Variants in RCOR1 observed in about 807,000 individuals in gnomAD.
The protein encoded by RCOR1 is REST corepressor.
Under a neutral mutation model 64.0 loss-of-function variants are expected in RCOR1, and 12 were observed. The ratio of observed to expected loss-of-function variants is 0.19; its 90% CI spans 0.12 to 0.30. RCOR1 has a LOEUF of 0.30. Among genes scored for constraint, RCOR1 ranks in the 10% least tolerant of loss-of-function variants. The pLI, the probability that RCOR1 is intolerant of heterozygous loss-of-function variation, is 1.00. For synonymous variants in RCOR1, 279 were observed against 227.2 expected, an observed-to-expected ratio of 1.23 and a Z score of -2.05; for missense variants, 502 against 621.2, an observed-to-expected ratio of 0.81 and a Z score of 2.04.
chr14:102,722,219 A>G lies in RCOR1; in HGVS notation c.1222A>G (p.Ile408Val), dbSNP rs2139995609. The G allele has an allele frequency of 6.2e-7, 1 of 1,614,146 alleles. No homozygotes were observed. The highest frequency in any genetic ancestry group is 8.5e-7 in the Non-Finnish European group (1 of 1,179,990). Reference sequence around the variant, plus strand: ...GAAATATGGCCGAGATTTTCAGGCAATCTCAGACGTGATTGGGAACAAATC... The same window carrying G: ...GAAATATGGCCGAGATTTTCAGGCAGTCTCAGACGTGATTGGGAACAAATC... ...IRKYGRDFQA[I>V]SDVIGNKSVV... The change falls in exon 11 of 12, where the codon ATC becomes GTC. Residue 408 changes from isoleucine (I) to valine (V), a missense_variant. By Grantham distance (29) the Ile-to-Val change is conservative. Around this residue, in one of 2 missense-constraint regions of RCOR1, gnomAD observed 260 missense variants for 416.4 expected, o/e 0.62. Coordinates refer to ENST00000262241, the MANE Select transcript of RCOR1 (RefSeq NM_015156.4).
chr14:102,632,340 TC>T (rs1894131007), intron 2 of RCOR1, among the ~76,000 whole-genome samples: 1 of 149,902 alleles, frequency 6.7e-6, no homozygotes, highest in Non-Finnish European at 1.5e-5. Context: ...CCTCAGCCTC[TC>T]CAAGTAGCTG....
chr14:102,651,359 C>A (rs1894585857), intron 2 of RCOR1, among the ~76,000 whole-genome samples: 1 of 151,916 alleles, frequency 6.6e-6, no homozygotes, highest in African/African-American at 2.4e-5. Context: ...TTGAGATGAG[C>A]CTGACCAACA....
At chr14:102,625,670 T>C (rs1000069933) in intron 2 of RCOR1, among the ~76,000 whole-genome samples, 2 of 152,104 alleles carry the variant, frequency 1.3e-5, no homozygotes, top group African/African-American at 2.4e-5. Context: ...TGCCCAGTTG[T>C]TACTTTTCTG....
intron 2 of RCOR1, among the ~76,000 whole-genome samples, chr14:102,669,004 G>T (rs1382414949): frequency 1.3e-5 from 2 of 152,150 alleles, no homozygotes; most frequent in Non-Finnish European, 2.9e-5. Context: ...AGATAAGAGA[G>T]AACCAGACAG....
intron 4 of RCOR1, among the ~76,000 whole-genome samples, chr14:102,706,127 A>AAAAAAAC (rs1895850869): frequency 6.7e-6 from 1 of 148,248 alleles, no homozygotes; most frequent in Non-Finnish European, 1.5e-5. Flanking sequence ...AAAAAAAAAA[A>AAAAAAAC]AAAAAAAAAA....
Position 102,726,561 on chromosome 14 carries a change from G to T in RCOR1, c.*55G>T. ...GACTACTGTGTTATCCGGGATATCA[G>T]GTATTATGAGACATCACCTAGCCAT... On this transcript the variant is annotated 3_prime_UTR_variant, in exon 12 of 12. Transcript: ENST00000262241. 6.9e-7 allele frequency: 1 copy of T among 1,451,774 alleles called. No individual in the cohort carries two copies. The highest frequency in any genetic ancestry group is 9.5e-7 in the Non-Finnish European group (1 of 1,054,518). 89.9% of individuals were successfully genotyped at this position (1,451,774 alleles called of 1,614,324 possible).
chr14:102,598,480 C>T (rs1309184311), intron 2 of RCOR1, among the ~76,000 whole-genome samples: 2 of 143,130 alleles, frequency 1.4e-5, no homozygotes, highest in East Asian at 4.0e-4. Flanking sequence ...CGGTGTCTCG[C>T]TCTGTTGTCC....
intron 2 of RCOR1, chr14:102,662,568 G>T: frequency 1.3e-5 from 6 of 466,940 alleles, no homozygotes; most frequent in South Asian, 8.4e-5. Flanking sequence ...GTTTTGGGCC[G>T]CTGGAAGGTG....
chr14:102,726,135 C>T (rs1386055723), intron 11 of RCOR1, among the ~76,000 whole-genome samples: 2 of 151,624 alleles, frequency 1.3e-5, no homozygotes, highest in Non-Finnish European at 2.9e-5. Flanking sequence ...GAGACCAGCC[C>T]GGCCAACATG....
At chr14:102,641,842 G>A (rs1040590162) in intron 2 of RCOR1, among the ~76,000 whole-genome samples, 1 of 152,118 alleles carries the variant, frequency 6.6e-6, no homozygotes, top group Non-Finnish European at 1.5e-5. Flanking sequence ...TTGGGGTTTG[G>A]GTAGTGTGTC....
At chr14:102,668,146 G>A (rs977874872) in intron 2 of RCOR1, among the ~76,000 whole-genome samples, 3 of 152,172 alleles carry the variant, frequency 2.0e-5, no homozygotes, top group Non-Finnish European at 4.4e-5. Context: ...TCTTATTCAT[G>A]TGGCTGTTTA....
chr14:102,695,905 C>T (rs765425689), intron 3 of RCOR1, among the ~76,000 whole-genome samples: 5 of 151,858 alleles, frequency 3.3e-5, no homozygotes, highest in African/African-American at 9.7e-5. Context: ...GTGACCCTAG[C>T]CAGACTACTT....
At chr14:102,711,315 T>C (rs1271562028) in intron 7 of RCOR1, among the ~76,000 whole-genome samples, 1 of 152,236 alleles carries the variant, frequency 6.6e-6, no homozygotes, top group Non-Finnish European at 1.5e-5. Flanking sequence ...TAACAAGTGG[T>C]CTAGTGAATT....
chr14:102,714,967 A>G (rs144973144), intron 8 of RCOR1, among the ~76,000 whole-genome samples: 2,003 of 152,198 alleles, frequency 0.013, 21 homozygotes, highest in Admixed American at 0.017. Context: ...CCCCAGGCCC[A>G]TGCATTTTCC....
At chr14:102,726,395 C>A in intron 11 of RCOR1, 73 bp from the exon 12 acceptor site, 1 of 1,349,850 alleles carries the variant, frequency 7.4e-7, no homozygotes, top group Non-Finnish European at 1.0e-6. Flanking sequence ...CTTTTCAGTA[C>A]ACTGGAAATA....
intron 2 of RCOR1, among the ~76,000 whole-genome samples, chr14:102,672,568 T>C (rs978533485): frequency 1.3e-5 from 2 of 152,184 alleles, no homozygotes; most frequent in East Asian, 1.9e-4. Flanking sequence ...CCCAACATTT[T>C]AGCCAAATAA....
At chr14:102,628,126 A>G (rs1894020701) in intron 2 of RCOR1, among the ~76,000 whole-genome samples, 1 of 152,154 alleles carries the variant, frequency 6.6e-6, no homozygotes, top group Non-Finnish European at 1.5e-5. Flanking sequence ...CAGCTCAAGC[A>G]GTGAGACCCA....
intron 2 of RCOR1, among the ~76,000 whole-genome samples, chr14:102,654,202 G>A (rs1894673893): frequency 6.6e-6 from 1 of 151,674 alleles, no homozygotes; most frequent in Admixed American, 6.6e-5. Context: ...AGCCAGGATG[G>A]TTTCGAACTC....
intron 3 of RCOR1, among the ~76,000 whole-genome samples, chr14:102,697,723 ATTT>A (rs1347240556): frequency 7.1e-6 from 1 of 140,912 alleles, no homozygotes; most frequent in Admixed American, 7.2e-5. Flanking sequence ...TCTTCCAAGA[ATTT>A]TTTTTTTTTT....
Sources: allele counts gnomAD v4.1 joint callset (sites outside exome capture counted in the v4.1 genomes callset), GRCh38; gene constraint gnomAD v4.1.1; regional missense constraint gnomAD v4.1.1; transcripts MANE v1.5; gene names NCBI Gene and HGNC (gene_info 2026-07-23, HGNC 2026-07-21).